Variants in DEPDC5 observed in about 807,000 individuals in gnomAD.
DEPDC5 encodes GATOR1 complex protein DEPDC5.
In DEPDC5, 73 loss-of-function variants were observed where a neutral mutation model predicts 217.3. That is an observed-to-expected ratio of 0.34 (90% CI 0.28 to 0.41). The LOEUF is 0.41. DEPDC5 is among the 10% of genes least tolerant of loss of function. The pLI is 1.00. For missense variants in DEPDC5, 1,675 were observed against 2,070.1 expected (o/e 0.81, Z 3.70); for synonymous variants, 733 against 756.7 (o/e 0.97, Z 0.51).
chr22:31,865,504 C>T (rs557404370), intron 33 of DEPDC5, among the ~76,000 whole-genome samples: 147 of 151,742 alleles, frequency 9.7e-4, no homozygotes, highest in African/African-American at 3.5e-3. Context: ...CAAAACAAAA[C>T]AAAACAAAAC....
At chr22:31,840,292 G>A (rs754481916) in intron 27 of DEPDC5, among the ~76,000 whole-genome samples, 14 of 152,146 alleles carry the variant, frequency 9.2e-5, no homozygotes, top group Non-Finnish European at 1.8e-4. Context: ...GAGGGCAGGA[G>A]TAGAAGGGAA....
intron 37 of DEPDC5, among the ~76,000 whole-genome samples, chr22:31,878,835 T>TA (rs1282271350): frequency 6.6e-6 from 1 of 151,714 alleles, no homozygotes. Flanking sequence ...AGTCAGGAGT[T>TA]TGAGACCAGC....
rs1037365327 is a variant in DEPDC5 at position 31,821,759 on chromosome 22, C to A, written c.2006+122C>A. 2.2e-6 allele frequency: 3 copies of A among 1,375,486 alleles called. No homozygotes were observed. In the African/African-American group the frequency reaches 4.3e-5, roughly 20 times the overall value. The allele number at this position is 1,375,486 out of a possible 1,614,324, so 85.2% of individuals were successfully genotyped here. A position where few individuals can be genotyped will look rare whatever the true frequency, so the allele number is the denominator to read the frequency against. On this transcript the variant is annotated intron_variant, in intron 23 of 42. Transcript: ENST00000651528. The stretch of plus-strand genomic sequence containing the variant: ...AAGACTTGAAAAGACAGTATGAGGT[C>A]AGGGCCTTCCTTTGTTGGCCAGTGG...
chr22:31,864,175 C>G (rs1265928894), intron 33 of DEPDC5, among the ~76,000 whole-genome samples: 1 of 149,884 alleles, frequency 6.7e-6, no homozygotes, highest in Non-Finnish European at 1.5e-5. Context: ...ATGGCGCAGT[C>G]TCTGCTCACT....
At chr22:31,792,867 T>C (rs779966685) in intron 12 of DEPDC5, 50 bp downstream of exon 12, 2 of 1,401,578 alleles carry the variant, frequency 1.4e-6, no homozygotes, top group South Asian at 3.2e-5. Flanking sequence ...TAGTTGTTTC[T>C]TTCCTAACTT....
intron 13 of DEPDC5, among the ~76,000 whole-genome samples, 171 bp from the exon 14 acceptor site, chr22:31,798,411 G>A (rs2086498137): frequency 1.3e-5 from 2 of 152,010 alleles, no homozygotes; most frequent in African/African-American, 2.4e-5. Flanking sequence ...CCAGCTACTC[G>A]GGAGGCTGAG....
At chr22:31,761,605 A>G (rs994588582) in intron 4 of DEPDC5, among the ~76,000 whole-genome samples, 4 of 149,654 alleles carry the variant, frequency 2.7e-5, no homozygotes, top group Non-Finnish European at 4.4e-5. Flanking sequence ...TGAGGTTTCA[A>G]TGAGCTATAA....
chr22:31,855,821 T>TA lies in DEPDC5; in HGVS notation c.3156-1613dup, dbSNP rs136862. Reference sequence around the variant, plus strand: ...TATATGTTTGTATTTTTTCAGAATGTAAAAAAAAAAATTTAAGGGAGAGTG... The same window carrying TA: ...TATATGTTTGTATTTTTTCAGAATGTAAAAAAAAAAAATTTAAGGGAGAGTG... On this transcript the variant is annotated intron_variant, in intron 31 of 42. Transcript: ENST00000651528. 4.7e-3 allele frequency among the ~76,000 whole-genome samples: 688 copies of TA among 147,446 alleles called. 7 individuals carry two copies. Among genetic ancestry groups the TA allele is most frequent in the South Asian group, 0.045 (214 of 4,712 alleles).
intron 22 of DEPDC5, 111 bp from the exon 23 acceptor site, chr22:31,821,391 A>G: frequency 6.9e-6 from 10 of 1,445,376 alleles, no homozygotes; most frequent in Non-Finnish European, 6.7e-6. Flanking sequence ...TTCTTCTTTC[A>G]ATCTCACCAA....
intron 39 of DEPDC5, among the ~76,000 whole-genome samples, chr22:31,896,710 G>A (rs2149393467): frequency 6.6e-6 from 1 of 152,196 alleles, no homozygotes; most frequent in East Asian, 1.9e-4. Flanking sequence ...CACTCTGTCA[G>A]GTCAGGGCTT....
At chr22:31,810,119 G>A (rs1184285605) in intron 19 of DEPDC5, among the ~76,000 whole-genome samples, 1 of 152,068 alleles carries the variant, frequency 6.6e-6, no homozygotes, top group Non-Finnish European at 1.5e-5. Flanking sequence ...ATTTTTTCCC[G>A]CCATCTGCAA....
chr22:31,760,339 A>T (rs1466575996), intron 3 of DEPDC5, among the ~76,000 whole-genome samples: 1 of 151,992 alleles, frequency 6.6e-6, no homozygotes, highest in Non-Finnish European at 1.5e-5. Context: ...AAGTGCTGGG[A>T]TTACAGGCAT....
chr22:31,797,060 C>CTT (rs113613358), intron 12 of DEPDC5, among the ~76,000 whole-genome samples: 1 of 129,170 alleles, frequency 7.7e-6, no homozygotes. Flanking sequence ...CTCACTGAAT[C>CTT]TTTTTTTTTT....
chr22:31,887,078 A>G (rs983480908), intron 38 of DEPDC5, among the ~76,000 whole-genome samples: 5 of 148,230 alleles, frequency 3.4e-5, no homozygotes, highest in Admixed American at 6.8e-5. Flanking sequence ...GCGAGATTCC[A>G]TCTCGAAAAA....
At chr22:31,818,114 G>C (rs2089335565) in intron 21 of DEPDC5, among the ~76,000 whole-genome samples, 1 of 152,034 alleles carries the variant, frequency 6.6e-6, no homozygotes, top group Non-Finnish European at 1.5e-5. Flanking sequence ...AAGAAGAGTT[G>C]GTTGTGGATT....
intron 16 of DEPDC5, 84 bp from the exon 17 acceptor site, chr22:31,804,758 A>G: frequency 6.9e-7 from 1 of 1,452,962 alleles, no homozygotes; most frequent in Non-Finnish European, 9.5e-7. Flanking sequence ...TTTTTTTTAA[A>G]AACCTGAAAA....
At chr22:31,863,869 G>A (rs5998151) in intron 33 of DEPDC5, among the ~76,000 whole-genome samples, 24,821 of 151,492 alleles carry the variant, frequency 0.16, 2,448 homozygotes, top group African/African-American at 0.27. Context: ...GTTGCAGTGA[G>A]CCGAGATTGT....
intron 31 of DEPDC5, among the ~76,000 whole-genome samples, chr22:31,855,841 A>C (rs1208875072): frequency 6.6e-6 from 1 of 152,006 alleles, no homozygotes. Flanking sequence ...AATTTAAGGG[A>C]GAGTGCAACA....
At position 31,758,577 on chromosome 22, in the gene DEPDC5, C is replaced by T. The variant is rs374794334; in HGVS notation, c.90C>T (p.Phe30=). The T allele has an allele frequency of 6.2e-7, 1 of 1,614,092 alleles. No homozygotes were observed. Residue 30 remains phenylalanine, a synonymous_variant, in exon 3 of 43, where the codon TTC becomes TTT. Transcript: ENST00000651528. Reference sequence around the variant, plus strand: ...AGCTAGTTGTGAACCCCAAAGTGTTCCCTCACATCAAGCTTGGAGACATTG... The same window carrying T: ...AGCTAGTTGTGAACCCCAAAGTGTTTCCTCACATCAAGCTTGGAGACATTG... ...DDELVVNPKV[F]PHIKLGDIVE... is the part of the protein sequence containing the mutation.
Sources: gnomAD v4.1 joint callset for allele counts (sites outside exome capture counted in the v4.1 genomes callset) on GRCh38, gnomAD v4.1.1 for gene constraint, MANE v1.5 for transcripts, NCBI Gene and HGNC (gene_info 2026-07-23, HGNC 2026-07-21) for gene names.